Variants in SNX25 observed in about 807,000 individuals in gnomAD.
SNX25 encodes sorting nexin 25.
In SNX25, 62 loss-of-function variants were observed where a neutral mutation model predicts 113.7. The ratio of observed to expected loss-of-function variants is 0.55; its 90% confidence interval spans 0.44 to 0.67. The LOEUF (loss-of-function observed/expected upper bound fraction) is 0.67, where lower values mean the gene tolerates loss of function less well. SNX25 is among the 30% of genes least tolerant of loss of function. SNX25 has a pLI of 0.00. For synonymous variants in SNX25, 421 were observed against 436.2 expected (o/e 0.97, Z 0.43); for missense variants, 1,014 against 1,161.0 (o/e 0.87, Z 1.84).
intron 6 of SNX25, among the ~76,000 whole-genome samples, chr4:185,298,153 A>G (rs994577347): frequency 3.4e-5 from 5 of 147,474 alleles, no homozygotes; most frequent in African/African-American, 1.2e-4. Context: ...CAATGGCACA[A>G]TCTTGGCTCA....
At chr4:185,322,474 T>C (rs891062970) in intron 8 of SNX25, among the ~76,000 whole-genome samples, 1 of 152,174 alleles carries the variant, frequency 6.6e-6, no homozygotes, top group African/African-American at 2.4e-5. Context: ...GTACACTGAA[T>C]TACTCATTTT....
intron 6 of SNX25, among the ~76,000 whole-genome samples, chr4:185,302,646 T>G (rs1245591682): frequency 1.3e-5 from 2 of 152,220 alleles, no homozygotes; most frequent in Non-Finnish European, 2.9e-5. Context: ...CATGTGAGGA[T>G]GTGGTGCGGA....
At chr4:185,312,358 G>T (rs1239388693) in intron 7 of SNX25, among the ~76,000 whole-genome samples, 1 of 152,136 alleles carries the variant, frequency 6.6e-6, no homozygotes, top group Admixed American at 6.5e-5. Flanking sequence ...TTGCTACCTA[G>T]TCAAAAGATG....
At chr4:185,368,520 G>A (rs565477508), downstream of SNX25, among the ~76,000 whole-genome samples, 4 of 152,280 alleles carry the variant, frequency 2.6e-5, no homozygotes, top group East Asian at 1.9e-4. Context: ...AGTGAACACC[G>A]CTGTCGGGAC....
intron 16 of SNX25, 68 bp downstream of exon 16, chr4:185,357,805 A>C: frequency 8.0e-7 from 1 of 1,246,780 alleles, no homozygotes; most frequent in Non-Finnish European, 1.2e-6. Context: ...AAATTACCTT[A>C]TGATCTAGCA....
intron 2 of SNX25, among the ~76,000 whole-genome samples, chr4:185,258,083 C>G (rs888003289): frequency 6.6e-6 from 1 of 152,144 alleles, no homozygotes; most frequent in Non-Finnish European, 1.5e-5. Flanking sequence ...AGGCAGAGGA[C>G]CTTAGGACAG....
intron 6 of SNX25, among the ~76,000 whole-genome samples, chr4:185,304,280 G>C (rs960230575): frequency 6.6e-6 from 1 of 152,196 alleles, no homozygotes; most frequent in Non-Finnish European, 1.5e-5. Flanking sequence ...GACCTGCTGG[G>C]CTCAAGTGAT....
intron 15 of SNX25, among the ~76,000 whole-genome samples, chr4:185,354,335 C>T (rs1458820523): frequency 6.6e-6 from 1 of 152,148 alleles, no homozygotes; most frequent in Non-Finnish European, 1.5e-5. Context: ...GGGAATGCCT[C>T]CACCCTATTT....
At chr4:185,235,764 G>T (rs747249182) in intron 1 of SNX25, among the ~76,000 whole-genome samples, 1 of 152,176 alleles carries the variant, frequency 6.6e-6, no homozygotes, top group African/African-American at 2.4e-5. Flanking sequence ...GCTGGGATTG[G>T]TGTACACACC....
chr4:185,367,354 G>A, downstream of SNX25: 1 of 918,678 alleles, frequency 1.1e-6, no homozygotes, highest in South Asian at 1.7e-5. Flanking sequence ...AAAGTACAGT[G>A]AATTTCAAGA....
At position 185,256,185 on chromosome 4, in the gene SNX25, A is replaced by G. The variant is rs528651660; in HGVS notation, c.515-2663A>G. ...TATACATTTTATTTGCTGAGTAGTA[A>G]AAGATTGAGATAGATCTTTTTTCTG... is the stretch of plus-strand genomic sequence containing the variant. On this transcript the variant is annotated intron_variant, in intron 2 of 18. Coordinates refer to ENST00000652585, the MANE Select transcript of SNX25 (RefSeq NM_001378034.2). Among the ~76,000 whole-genome samples the G allele has an allele frequency of 2.6e-5, 4 of 152,278 alleles. No individual in the cohort carries two copies. The South Asian group carries it at 8.3e-4, about 32-fold the overall frequency.
intron 7 of SNX25, among the ~76,000 whole-genome samples, chr4:185,316,428 G>A (rs1268121828): frequency 2.0e-5 from 3 of 152,176 alleles, no homozygotes; most frequent in Non-Finnish European, 4.4e-5. Flanking sequence ...TACCTCCAAA[G>A]CCTGAGCAAC....
At chr4:185,354,185 C>T (rs775448763) in intron 15 of SNX25, among the ~76,000 whole-genome samples, 2 of 152,176 alleles carry the variant, frequency 1.3e-5, no homozygotes, top group Non-Finnish European at 2.9e-5. Context: ...GAATCCTTCA[C>T]GTTGCTTTTT....
chr4:185,291,745 G>A (rs887099021), intron 6 of SNX25, among the ~76,000 whole-genome samples: 11 of 152,248 alleles, frequency 7.2e-5, no homozygotes, highest in South Asian at 4.1e-4. Context: ...CTGGTTTTGC[G>A]TCTCTGTTTT....
At chr4:185,257,190 A>C (rs1417133070) in intron 2 of SNX25, among the ~76,000 whole-genome samples, 1 of 151,968 alleles carries the variant, frequency 6.6e-6, no homozygotes, top group Non-Finnish European at 1.5e-5. Context: ...AAAAAAAAAA[A>C]AAAAACCTCT....
At chr4:185,251,729 T>A (rs1745694928) in intron 2 of SNX25, among the ~76,000 whole-genome samples, 1 of 152,018 alleles carries the variant, frequency 6.6e-6, no homozygotes. Flanking sequence ...TGAACATGAG[T>A]GTCTCTTTAA....
chr4:185,279,121 T>C (rs1470507801), intron 5 of SNX25, among the ~76,000 whole-genome samples: 2 of 151,208 alleles, frequency 1.3e-5, no homozygotes, highest in Non-Finnish European at 1.5e-5. Context: ...AAATTGTATA[T>C]ATATTTTTAT....
At chr4:185,218,639 G>A (rs1282296399) in intron 1 of SNX25, among the ~76,000 whole-genome samples, 1 of 152,154 alleles carries the variant, frequency 6.6e-6, no homozygotes, top group Non-Finnish European at 1.5e-5. Flanking sequence ...AAATGAATAT[G>A]GTAACTCCAA....
At chr4:185,331,069 A>G (rs1448507878) in intron 9 of SNX25, among the ~76,000 whole-genome samples, 1 of 152,228 alleles carries the variant, frequency 6.6e-6, no homozygotes, top group Non-Finnish European at 1.5e-5. Context: ...AGAAATGTCT[A>G]CCTTCACCTC....
Sources: allele counts gnomAD v4.1 joint callset (sites outside exome capture counted in the v4.1 genomes callset), GRCh38; gene constraint gnomAD v4.1.1; transcripts MANE v1.5; gene names NCBI Gene and HGNC (gene_info 2026-07-23, HGNC 2026-07-21).